The following FBN3 variants were observed in gnomAD, a reference collection of about 807,000 sequenced individuals.
FBN3 encodes fibrillin 3, also known as fibrillin-3.
In FBN3, 234 loss-of-function variants were observed where a neutral mutation model predicts 330.1. The observed-to-expected ratio is 0.71, with a 90% CI of 0.64 to 0.79. The LOEUF (loss-of-function observed/expected upper bound fraction) is 0.79, where lower values mean the gene tolerates loss of function less well. Among genes scored for constraint, FBN3 ranks in the 30% least tolerant of loss-of-function variants. The pLI is 0.00. For synonymous variants in FBN3, 1,458 were observed against 1,517.3 expected (o/e 0.96, Z 0.91); for missense variants, 3,606 against 3,886.9 (o/e 0.93, Z 1.92).
At chr19:8,141,170 G>T (rs1352064990) in intron 8 of FBN3, among the ~76,000 whole-genome samples, 28 of 139,816 alleles carry the variant, frequency 2.0e-4, no homozygotes, top group Admixed American at 1.5e-3. Flanking sequence ...ACTCCAGCCT[G>T]GGCGACAGAG....
At position 8,076,247 on chromosome 19, in the gene FBN3, C is replaced by CATGTGTGTGTGTGTGTGTGT. The variant is rs60725609; in HGVS notation, c.7454-837_7454-836insACACACACACACACACACAT. Reference sequence around the variant, plus strand: ...AACCAGTGTATGGGTTGTCCGTGTGCGTGTGTGTGTGTGTGTGTGTGTGTG... The same window carrying CATGTGTGTGTGTGTGTGTGT: ...AACCAGTGTATGGGTTGTCCGTGTGCATGTGTGTGTGTGTGTGTGTGTGTGTGTGTGTGTGTGTGTGTGTG... On this transcript the variant is annotated intron_variant, in intron 59 of 63. Transcript: ENST00000600128. Among the ~76,000 whole-genome samples the CATGTGTGTGTGTGTGTGTGT allele has an allele frequency of 4.5e-3, 658 of 147,740 alleles. 5 individuals are homozygous for CATGTGTGTGTGTGTGTGTGT. Among genetic ancestry groups the CATGTGTGTGTGTGTGTGTGT allele is most frequent in the African/African-American group, 0.013 (518 of 40,034 alleles).
intron 55 of FBN3, 113 bp downstream of exon 55, chr19:8,086,087 G>A (rs1019278801): frequency 1.6e-6 from 1 of 644,186 alleles, no homozygotes; most frequent in African/African-American, 2.1e-5. Flanking sequence ...GCAGTGGGAG[G>A]GACAGGGAGT....
chr19:8,110,829 C>T lies in FBN3; in HGVS notation c.4333+16G>A, dbSNP rs764180810. 33 of 1,614,170 alleles carry T rather than the reference C, an allele frequency of 2.0e-5. No individual in the cohort carries two copies. Among genetic ancestry groups the T allele is most frequent in the Non-Finnish European group, 2.5e-5 (29 of 1,179,998 alleles). On this transcript the variant is annotated intron_variant, in intron 34 of 63. Coordinates refer to ENST00000600128, the MANE Select transcript of FBN3 (RefSeq NM_032447.5). ...CTGCTCTCTCCTCTCCCCTTCCAGC[C>T]CAGATGACCTCACACCTGTGCAGTT...
At chr19:8,104,758 T>C (rs1408263528) in intron 38 of FBN3, among the ~76,000 whole-genome samples, 2 of 152,300 alleles carry the variant, frequency 1.3e-5, no homozygotes, top group African/African-American at 4.8e-5. Context: ...GTGCCATGAT[T>C]ATTCAATCTG....
intron 56 of FBN3, among the ~76,000 whole-genome samples, chr19:8,084,576 G>C (rs558866421): frequency 1.6e-4 from 24 of 151,804 alleles, no homozygotes; most frequent in Admixed American, 5.2e-4. Flanking sequence ...AGGCCCTCTT[G>C]CTTTTTATTT....
intron 37 of FBN3, 151 bp from the exon 38 acceptor site, chr19:8,106,384 T>C (rs1343927947): frequency 1.4e-6 from 1 of 700,788 alleles, no homozygotes; most frequent in African/African-American, 1.8e-5. Context: ...TCTATCTTGA[T>C]GGCTGGACAC....
intron 14 of FBN3, 90 bp downstream of exon 14, chr19:8,132,893 TC>T: frequency 2.9e-6 from 4 of 1,396,834 alleles, no homozygotes; most frequent in Non-Finnish European, 3.8e-6. Context: ...GCTCGTCCCA[TC>T]CCCGTCCGGT....
At chr19:8,120,002 G>T (rs1437657327) in intron 25 of FBN3, among the ~76,000 whole-genome samples, 3 of 150,220 alleles carry the variant, frequency 2.0e-5, no homozygotes, top group Non-Finnish European at 3.0e-5. Flanking sequence ...TAAATTTTGT[G>T]TAGAGACGGG....
Position 8,126,468 on chromosome 19 carries a change from C to T in FBN3, c.2554G>A (p.Asp852Asn), listed in dbSNP as rs775885971. 7 of 1,611,196 alleles carry T rather than the reference C, an allele frequency of 4.3e-6. No homozygotes were observed. The highest frequency in any genetic ancestry group is 5.1e-6 in the Non-Finnish European group (6 of 1,178,782). Residue 852 changes from aspartate to asparagine, a missense_variant and splice_region_variant, in exon 20 of 64, where the codon GAC (aspartate) becomes AAC (asparagine). Physicochemically the swap from Asp to Asn is conservative, Grantham distance 23 (BLOSUM62 1). Transcript: ENST00000600128. ...WGSPCERCEI[D>N]PACARGFARM... ...TGGGAGGCCTCAAGGAGGATACTAC[C>T]GATCTCGCAGCGTTCGCAGGGGCTC...
At chr19:8,132,513 C>T (rs1242782586) in intron 14 of FBN3, among the ~76,000 whole-genome samples, 3 of 151,666 alleles carry the variant, frequency 2.0e-5, no homozygotes, top group Middle Eastern at 3.4e-3. Context: ...TCTTCTGAGA[C>T]GGAGTCTCAC....
At chr19:8,124,663 G>A (rs950729989) in intron 22 of FBN3, among the ~76,000 whole-genome samples, 13 of 151,822 alleles carry the variant, frequency 8.6e-5, no homozygotes, top group African/African-American at 2.4e-4. Flanking sequence ...TCAGCCTCCC[G>A]AGTAGCTGGG....
In FBN3 at chr19:8,135,945, C is replaced by CCCCCCCCCCCCCCCCA; in HGVS notation, c.1591+15_1591+16insTGGGGGGGGGGGGGGG. 1 of 488,812 alleles carries CCCCCCCCCCCCCCCCA rather than the reference C, an allele frequency of 2.0e-6. No individual in the cohort carries two copies. Among genetic ancestry groups the CCCCCCCCCCCCCCCCA allele is most frequent in the Non-Finnish European group, 4.0e-6 (1 of 249,006 alleles). The allele number at this position is 488,812 out of a possible 1,614,324, so 30.3% of individuals were successfully genotyped here. On this transcript the variant is annotated intron_variant, in intron 13 of 63. Transcript: ENST00000600128. ...GGGCCCGGAAGCCCCTGCCCACCCG[C>CCCCCCCCCCCCCCCCA]CCACCCCCAACTCACCCACACAGTT...
chr19:8,131,810 C>G lies in FBN3; in HGVS notation c.1734G>C (p.Thr578=). 1 of 1,597,974 alleles carries G rather than the reference C, an allele frequency of 6.3e-7. No homozygotes were observed. The highest frequency in any genetic ancestry group is 8.6e-7 in the Non-Finnish European group (1 of 1,168,600). Residue 578 remains threonine, a synonymous_variant, in exon 15 of 64, where the codon ACG becomes ACC. Coordinates refer to ENST00000600128, the MANE Select transcript of FBN3 (RefSeq NM_032447.5). The surrounding 1 kb of genome is among the most constrained non-coding windows in gnomAD (Gnocchi z 4.5). ...HYCMDIDECQ[T]PGICVNGHCT... is the part of the protein sequence containing the mutation. ...AGTGGCCGTTCACGCAGATGCCGGG[C>G]GTCTGGCACTCGTCAATGTCTGCAG...
At chr19:8,148,963 G>GGGGGAGTCTCT (rs2083614467) in intron 1 of FBN3, 1 of 152,988 alleles carries the variant, frequency 6.5e-6, no homozygotes, top group Non-Finnish European at 1.5e-5. Flanking sequence ...GAATTAGGTG[G>GGGGGAGTCTCT]GGGGAGTCTC....
At chr19:8,097,448 G>GC (rs929907500) in intron 41 of FBN3, 34 bp from the exon 42 acceptor site, 2 of 1,569,926 alleles carry the variant, frequency 1.3e-6, no homozygotes, top group African/African-American at 2.7e-5. Flanking sequence ...GGGCAGCCCA[G>GC]CCCCCTGGGA....
intron 46 of FBN3, 130 bp from the exon 47 acceptor site, chr19:8,094,695 C>A: frequency 9.7e-7 from 1 of 1,036,172 alleles, no homozygotes; most frequent in Non-Finnish European, 1.4e-6. Flanking sequence ...AGTGGCAATT[C>A]TGGCTCCAGG....
intron 13 of FBN3, among the ~76,000 whole-genome samples, chr19:8,133,687 C>G (rs958722607): frequency 6.6e-6 from 1 of 151,838 alleles, no homozygotes; most frequent in Non-Finnish European, 1.5e-5. Context: ...CTCCTGACCT[C>G]GTGATAAGCC....
At chr19:8,072,465 C>A (rs2081537354) in intron 62 of FBN3, among the ~76,000 whole-genome samples, 1 of 152,096 alleles carries the variant, frequency 6.6e-6, no homozygotes, top group African/African-American at 2.4e-5. Context: ...GATGAATGGA[C>A]ATGAGCATAC....
At chr19:8,118,217 A>T (rs1025190675) in intron 26 of FBN3, among the ~76,000 whole-genome samples, 1 of 152,090 alleles carries the variant, frequency 6.6e-6, no homozygotes, top group South Asian at 2.1e-4. Context: ...ACACACAAAC[A>T]CACCTCTATA....
Sources: allele counts gnomAD v4.1 joint callset (sites outside exome capture counted in the v4.1 genomes callset), GRCh38; gene constraint gnomAD v4.1.1; non-coding constraint Gnocchi (gnomAD v3.1); transcripts MANE v1.5; gene names NCBI Gene and HGNC (gene_info 2026-07-23, HGNC 2026-07-21).